The following TCF12 variants were observed in gnomAD, a reference collection of about 807,000 sequenced individuals.
TCF12 encodes transcription factor 12.
Under a neutral mutation model 86.0 loss-of-function variants are expected in TCF12, and 45 were observed. The ratio of observed to expected loss-of-function variants is 0.52; its 90% CI spans 0.41 to 0.67. TCF12 has a LOEUF of 0.67. Among genes scored for constraint, TCF12 ranks in the 30% least tolerant of loss-of-function variants. The probability of loss-of-function intolerance (pLI) is 0.00; values close to 1 mark genes in which losing one functional copy is unlikely to be tolerated. For synonymous variants in TCF12, 330 were observed against 299.6 expected (o/e 1.10, Z -1.05); for missense variants, 881 against 859.9 (o/e 1.02, Z -0.31).
At position 57,004,850 on chromosome 15, in the gene TCF12, C is replaced by T. The variant is rs796397531; in HGVS notation, c.149-58900C>T. 1.1e-4 allele frequency among the ~76,000 whole-genome samples: 16 copies of T among 152,292 alleles called. 1 individual carries two copies. Among genetic ancestry groups the T allele is most frequent in the East Asian group, 1.9e-4 (1 of 5,192 alleles). On this transcript the variant is annotated intron_variant, in intron 3 of 20. Transcript: ENST00000333725. ...GATTATAGGCATGAGCCACCGCACC[C>T]GGCCCATTCATTTCTTAAATTGTGA... is the stretch of plus-strand genomic sequence containing the variant.
chr15:57,221,663 T>C (rs1304214232), intron 8 of TCF12, among the ~76,000 whole-genome samples: 1 of 152,096 alleles, frequency 6.6e-6, no homozygotes, highest in Non-Finnish European at 1.5e-5. Flanking sequence ...GTGACTTTTA[T>C]GTTCTGGAAA....
In TCF12 at chr15:57,115,589, A is replaced by G. The variant is rs768301127; in HGVS notation, c.325+23698A>G. ...ATTTTTAGGAAAGGTCATACTGTCTATTTTTGCCTAGATTTTAATTTTTTT... is the reference window on the plus strand; with the variant it reads ...ATTTTTAGGAAAGGTCATACTGTCTGTTTTTGCCTAGATTTTAATTTTTTT... On this transcript the variant is annotated intron_variant, in intron 5 of 20. Transcript: ENST00000333725. Among the ~76,000 whole-genome samples the G allele has an allele frequency of 7.9e-5, 12 of 152,254 alleles. No individual in the cohort carries two copies. The East Asian group carries it at 1.2e-3, about 15-fold the overall frequency.
intron 3 of TCF12, among the ~76,000 whole-genome samples, chr15:56,929,151 T>A (rs1470942862): frequency 6.6e-6 from 1 of 152,134 alleles, no homozygotes; most frequent in African/African-American, 2.4e-5. Context: ...CTTCCTCCTG[T>A]TTTGGTTTGT....
At chr15:57,267,203 A>G (rs780115157) in intron 18 of TCF12, among the ~76,000 whole-genome samples, 1 of 152,230 alleles carries the variant, frequency 6.6e-6, no homozygotes, top group Admixed American at 6.5e-5. Context: ...GGTAGATAAA[A>G]CTAAAAGAAG....
intron 3 of TCF12, among the ~76,000 whole-genome samples, chr15:57,023,156 T>G (rs2141269682): frequency 6.6e-6 from 1 of 152,294 alleles, no homozygotes; most frequent in Non-Finnish European, 1.5e-5. Context: ...ACATCTCCAG[T>G]TTTTACCTCA....
At chr15:56,939,979 T>G (rs936521248) in intron 3 of TCF12, among the ~76,000 whole-genome samples, 5 of 148,982 alleles carry the variant, frequency 3.4e-5, no homozygotes, top group East Asian at 3.9e-4. Flanking sequence ...TTTTTTTTTT[T>G]TTTTTTTTTT....
At chr15:57,012,828 A>G (rs2064913782) in intron 3 of TCF12, among the ~76,000 whole-genome samples, 1 of 152,176 alleles carries the variant, frequency 6.6e-6, no homozygotes. Context: ...CTCTACAGGA[A>G]TATTCCATTG....
At chr15:57,282,906 C>T (rs553260735) in intron 20 of TCF12, among the ~76,000 whole-genome samples, 1 of 152,344 alleles carries the variant, frequency 6.6e-6, no homozygotes, top group East Asian at 1.9e-4. Context: ...AGTACAATGA[C>T]TCAACCGTCA....
intron 3 of TCF12, among the ~76,000 whole-genome samples, chr15:57,062,944 G>C (rs1429251054): frequency 6.6e-6 from 1 of 152,130 alleles, no homozygotes; most frequent in African/African-American, 2.4e-5. Flanking sequence ...AGAAGAGGTA[G>C]AAATGGCTGG....
At chr15:57,253,543 G>A in intron 16 of TCF12, 75 bp downstream of exon 16, 1 of 1,533,248 alleles carries the variant, frequency 6.5e-7, no homozygotes, top group Non-Finnish European at 8.9e-7. Context: ...AAATCTTTGG[G>A]AAGAGGATCT....
chr15:57,123,512 CTT>C (rs35756318), intron 5 of TCF12, among the ~76,000 whole-genome samples: 1 of 148,160 alleles, frequency 6.7e-6, no homozygotes, highest in Non-Finnish European at 1.5e-5. Flanking sequence ...TACCACTTCT[CTT>C]TTTTTTTTTC....
intron 19 of TCF12, among the ~76,000 whole-genome samples, chr15:57,280,954 A>G (rs140191849): frequency 1.3e-5 from 2 of 152,210 alleles, no homozygotes; most frequent in Non-Finnish European, 2.9e-5. Context: ...ATGAAAAGCT[A>G]TATCAGAAGC....
intron 16 of TCF12, among the ~76,000 whole-genome samples, chr15:57,256,089 A>C (rs1205526250): frequency 6.6e-6 from 1 of 152,222 alleles, no homozygotes; most frequent in Non-Finnish European, 1.5e-5. Flanking sequence ...ATATAAAGTT[A>C]CTAGCTGACA....
At chr15:56,939,292 T>C (rs1235480159) in intron 3 of TCF12, among the ~76,000 whole-genome samples, 1 of 152,206 alleles carries the variant, frequency 6.6e-6, no homozygotes, top group Non-Finnish European at 1.5e-5. Context: ...CAGTACTAAT[T>C]CTTTTTTTTA....
Position 57,001,014 on chromosome 15 carries a change from T to A in TCF12, c.149-62736T>A, listed in dbSNP as rs1157589439. Among the ~76,000 whole-genome samples the A allele has an allele frequency of 3.3e-3, 466 of 142,290 alleles. 2 individuals are homozygous for A. The highest frequency in any genetic ancestry group is 0.027 in the South Asian group (123 of 4,496). The allele number at this position is 142,290 out of a possible 152,430, so 93.3% of individuals were successfully genotyped here. A position where few individuals can be genotyped will look rare whatever the true frequency, so the allele number is the denominator to read the frequency against. ...AAATTTTTAAAAATTTAAAAAAAAT[T>A]TTTTTTTTTTTTTTTTTGAGACGGA... is the stretch of plus-strand genomic sequence containing the variant. On this transcript the variant is annotated intron_variant, in intron 3 of 20. Transcript: ENST00000333725.
intron 3 of TCF12, among the ~76,000 whole-genome samples, chr15:56,980,758 A>G (rs2062851019): frequency 6.6e-6 from 1 of 152,002 alleles, no homozygotes; most frequent in Non-Finnish European, 1.5e-5. Context: ...TTCCTGTAGG[A>G]TTTTGTTCAT....
intron 8 of TCF12, among the ~76,000 whole-genome samples, chr15:57,228,484 G>C (rs1236458222): frequency 2.0e-5 from 3 of 151,804 alleles, no homozygotes; most frequent in Non-Finnish European, 4.4e-5. Context: ...AAATCTGTTT[G>C]AAAGAAATAG....
chr15:57,013,508 A>G (rs1567252910), intron 3 of TCF12, among the ~76,000 whole-genome samples: 1 of 152,046 alleles, frequency 6.6e-6, no homozygotes, highest in Non-Finnish European at 1.5e-5. Flanking sequence ...TTCAGTAGAG[A>G]TGGGGTTTCA....
chr15:56,968,565 T>C (rs1426040191), intron 3 of TCF12, among the ~76,000 whole-genome samples: 4 of 152,192 alleles, frequency 2.6e-5, no homozygotes, highest in African/African-American at 9.7e-5. Context: ...ATAAGATTGC[T>C]TTTCAGTCAA....
Sources: gnomAD v4.1 joint callset for allele counts (sites outside exome capture counted in the v4.1 genomes callset) on GRCh38, gnomAD v4.1.1 for gene constraint, MANE v1.5 for transcripts, NCBI Gene and HGNC (gene_info 2026-07-23, HGNC 2026-07-21) for gene names.